Variants in CAMK1D observed in about 807,000 individuals in gnomAD.
The protein encoded by CAMK1D is calcium/calmodulin-dependent protein kinase type 1D.
CAMK1D carries 9 observed loss-of-function variants against 47.7 expected under a neutral mutation model. The observed-to-expected ratio is 0.19, with a 90% CI of 0.11 to 0.33. CAMK1D has a LOEUF of 0.33. Ranked by LOEUF, CAMK1D falls within the 10% of genes least tolerant of loss-of-function variation. The pLI, the probability that CAMK1D is intolerant of heterozygous loss-of-function variation, is 1.00. For missense variants in CAMK1D, 291 were observed against 488.7 expected (o/e 0.60, Z 3.81); for synonymous variants, 184 against 184.9 (o/e 0.99, Z 0.04).
At chr10:12,788,992 C>A (rs1028160607) in intron 5 of CAMK1D, among the ~76,000 whole-genome samples, 1 of 152,184 alleles carries the variant, frequency 6.6e-6, no homozygotes, top group Non-Finnish European at 1.5e-5. Flanking sequence ...TGGAGTGCAT[C>A]CCTCACTGCC....
intron 1 of CAMK1D, among the ~76,000 whole-genome samples, chr10:12,499,506 G>A (rs1410153855): frequency 6.6e-6 from 1 of 152,190 alleles, no homozygotes; most frequent in Non-Finnish European, 1.5e-5. Context: ...TGGCCCTGAG[G>A]CATTAGGATT....
rs115147230 is a variant in CAMK1D, at chr10:12,763,600, A to G, written c.438+2514A>G. Among the ~76,000 whole-genome samples, 700 of 152,292 alleles carry G rather than the reference A, an allele frequency of 4.6e-3. 5 individuals are homozygous for G. The highest frequency in any genetic ancestry group is 0.016 in the African/African-American group (648 of 41,566). ...GCATCCTTGGCTTCTGCCCATGGAT[A>G]CGAGTACTACGTCTGGAATTGTTAA... On this transcript the variant is annotated intron_variant, in intron 4 of 10. Transcript: ENST00000619168.
At chr10:12,758,814 C>T (rs1836356432) in intron 3 of CAMK1D, among the ~76,000 whole-genome samples, 1 of 152,076 alleles carries the variant, frequency 6.6e-6, no homozygotes, top group Non-Finnish European at 1.5e-5. Context: ...AGCGTTCTTG[C>T]CAGAGGTCAT....
chr10:12,352,286 T>C (rs1289376682), intron 1 of CAMK1D, among the ~76,000 whole-genome samples: 1 of 152,192 alleles, frequency 6.6e-6, no homozygotes, highest in East Asian at 1.9e-4. Flanking sequence ...ACTTTAGTAT[T>C]TGGAACGCGA....
chr10:12,638,901 C>T (rs1002974254), intron 2 of CAMK1D, among the ~76,000 whole-genome samples: 2 of 152,148 alleles, frequency 1.3e-5, no homozygotes, highest in African/African-American at 4.8e-5. Flanking sequence ...TCCCTCTCAT[C>T]CCCCCACTTC....
chr10:12,678,386 C>G (rs1323014911), intron 3 of CAMK1D, among the ~76,000 whole-genome samples: 1 of 152,176 alleles, frequency 6.6e-6, no homozygotes. Context: ...ATTTTATTGA[C>G]ACTATTTTGT....
chr10:12,833,499 C>G lies in CAMK1D; in HGVS notation c.*4612C>G, dbSNP rs986879994. ...AAGCATCGTGGCCCCTCACCTCTCC[C>G]TCTCCCCCAGAACCTTGGCCAGAAT... On this transcript the variant is annotated 3_prime_UTR_variant, in exon 11 of 11. Coordinates refer to ENST00000619168, the MANE Select transcript of CAMK1D (RefSeq NM_153498.4). The G allele has an allele frequency of 1.3e-5, 2 of 152,306 alleles. No individual in the cohort carries two copies. Among genetic ancestry groups the G allele is most frequent in the Non-Finnish European group, 2.9e-5 (2 of 68,092 alleles). The allele number at this position is 152,306 out of a possible 1,614,324, so 9.4% of individuals were successfully genotyped here. A position where few individuals can be genotyped will look rare whatever the true frequency, so the allele number is the denominator to read the frequency against.
intron 1 of CAMK1D, among the ~76,000 whole-genome samples, chr10:12,378,108 G>A (rs1462601422): frequency 6.6e-6 from 1 of 152,206 alleles, no homozygotes; most frequent in Non-Finnish European, 1.5e-5. Context: ...ACCTCTGGGG[G>A]ACTAGACACC....
At chr10:12,404,798 C>T (rs914555427) in intron 1 of CAMK1D, among the ~76,000 whole-genome samples, 5 of 151,614 alleles carry the variant, frequency 3.3e-5, no homozygotes, top group Admixed American at 2.0e-4. Flanking sequence ...GGGTGATTCT[C>T]GTGCCTCAGT....
At chr10:12,564,008 A>G (rs1837037625) in intron 2 of CAMK1D, among the ~76,000 whole-genome samples, 1 of 151,972 alleles carries the variant, frequency 6.6e-6, no homozygotes, top group African/African-American at 2.4e-5. Context: ...TTCTTCTGTA[A>G]ACTTACTTAG....
chr10:12,737,738 C>T (rs1564526787), intron 3 of CAMK1D, among the ~76,000 whole-genome samples: 1 of 152,140 alleles, frequency 6.6e-6, no homozygotes, highest in Non-Finnish European at 1.5e-5. Context: ...TTCTACAGCA[C>T]TTTACTCACT....
intron 9 of CAMK1D, 28 bp downstream of exon 9, chr10:12,824,580 G>A (rs376511947): frequency 5.8e-5 from 91 of 1,564,068 alleles, no homozygotes; most frequent in Non-Finnish European, 7.2e-5. Context: ...GAAATTCCCC[G>A]TGGATTAACC....
intron 1 of CAMK1D, among the ~76,000 whole-genome samples, chr10:12,439,394 A>G (rs571053712): frequency 6.6e-6 from 1 of 152,248 alleles, no homozygotes; most frequent in South Asian, 2.1e-4. Context: ...GCTCGTGTAT[A>G]TGTCCCTTTA....
chr10:12,694,334 A>T (rs1287932397), intron 3 of CAMK1D, among the ~76,000 whole-genome samples: 1 of 90,624 alleles, frequency 1.1e-5, no homozygotes, highest in Non-Finnish European at 1.9e-5. Flanking sequence ...TATAAAGTAT[A>T]TATAATATAT....
In CAMK1D at chr10:12,471,295, G is replaced by C. The variant is rs142014895; in HGVS notation, c.93-81930G>C. 1.4e-3 allele frequency among the ~76,000 whole-genome samples: 213 copies of C among 152,328 alleles called. 4 individuals are homozygous for C. Among genetic ancestry groups the C allele is most frequent in the Admixed American group, 0.012 (179 of 15,296 alleles). ...TCAATGTGTCTGGGTCCATGTGGGA[G>C]TGGCTTCCTCTATGGTTCTCTTTCA... On this transcript the variant is annotated intron_variant, in intron 1 of 10. Transcript: ENST00000619168.
chr10:12,556,324 G>A (rs776681084), intron 2 of CAMK1D, among the ~76,000 whole-genome samples: 19 of 152,194 alleles, frequency 1.2e-4, no homozygotes, highest in Non-Finnish European at 2.2e-4. Context: ...GCAGCAGGCC[G>A]CACTGCTGGG....
chr10:12,813,773 T>C (rs180868350), intron 6 of CAMK1D, among the ~76,000 whole-genome samples: 221 of 152,160 alleles, frequency 1.5e-3, no homozygotes, highest in Non-Finnish European at 2.1e-3. Flanking sequence ...TTCTTTTCTT[T>C]TTTCTGAGAC....
At chr10:12,673,868 G>A (rs988415668) in intron 3 of CAMK1D, among the ~76,000 whole-genome samples, 1 of 152,092 alleles carries the variant, frequency 6.6e-6, no homozygotes, top group African/African-American at 2.4e-5. Context: ...TATTATTTTT[G>A]GTTGTTGTAT....
intron 3 of CAMK1D, among the ~76,000 whole-genome samples, chr10:12,694,851 A>T (rs1833199942): frequency 6.6e-6 from 1 of 151,884 alleles, no homozygotes; most frequent in African/African-American, 2.4e-5. Context: ...GCGGGCAAAT[A>T]TTGTCAAAGT....
Sources: gnomAD v4.1 joint callset for allele counts (sites outside exome capture counted in the v4.1 genomes callset) on GRCh38, gnomAD v4.1.1 for gene constraint, MANE v1.5 for transcripts, NCBI Gene and HGNC (gene_info 2026-07-23, HGNC 2026-07-21) for gene names.